Variants in APOB observed in about 807,000 individuals in gnomAD.
APOB encodes the protein apolipoprotein B-100.
A neutral mutation model predicts 314.1 loss-of-function variants in APOB; 153 were observed. The observed-to-expected ratio is 0.49, with a 90% CI of 0.43 to 0.56. The LOEUF is 0.56. Among genes scored for constraint, APOB ranks in the 20% least tolerant of loss-of-function variants. APOB has a pLI of 0.00. For missense variants in APOB, 5,430 were observed against 5,350.7 expected (o/e 1.01, Z -0.46); for synonymous variants, 2,087 against 2,036.4 (o/e 1.02, Z -0.67).
Position 21,008,776 on chromosome 2 carries a change from C to T in APOB, c.8092G>A (p.Val2698Met). ...ATTCTCGCTAGAGGAATGTCCTCCA[C>T]CTTCAGATCCCTGAGATATATATCT... ...VPDIYLRDLK[V>M]EDIPLARITL... The change falls in exon 26 of 29, where the codon GTG becomes ATG. Residue 2698 changes from valine to methionine, a missense_variant. Transcript: ENST00000233242. The T allele has an allele frequency of 6.2e-7, 1 of 1,614,038 alleles. No homozygotes were observed. The highest frequency in any genetic ancestry group is 8.5e-7 in the Non-Finnish European group (1 of 1,179,946).
intron 18 of APOB, 59 bp from the exon 19 acceptor site, chr2:21,019,964 C>T: frequency 6.4e-7 from 1 of 1,560,380 alleles, no homozygotes; most frequent in Non-Finnish European, 8.8e-7. Context: ...ATGGACATCA[C>T]AAATTCTCAG....
rs72654416 is a variant in APOB, at chr2:21,004,645, G to A, written c.11819C>T (p.Thr3940Met). 2.8e-4 allele frequency: 459 copies of A among 1,613,784 alleles called. 2 individuals are homozygous for A. The African/African-American group carries it at 5.4e-3, about 19-fold the overall frequency. The change falls in exon 27 of 29, where the codon ACG (threonine) becomes ATG (methionine). Residue 3940 changes from threonine (T) to methionine (M), a missense_variant. Transcript: ENST00000233242. ...VLGTHKIEDGTLASKTKGTFA... is the reference protein window; with the variant it reads ...VLGTHKIEDGMLASKTKGTFA... ...TGTTCCTTTAGTCTTAGAGGCTAACGTACCATCTTCGATTTTGTGTGTTCC... is the reference window on the plus strand; with the variant it reads ...TGTTCCTTTAGTCTTAGAGGCTAACATACCATCTTCGATTTTGTGTGTTCC...
In APOB at chr2:21,013,430, C is replaced by T. The variant is rs753373463; in HGVS notation, c.3946G>A (p.Val1316Ile). The T allele has an allele frequency of 6.2e-7, 1 of 1,614,226 alleles. No homozygotes were observed. The highest frequency in any genetic ancestry group is 8.5e-7 in the Non-Finnish European group (1 of 1,180,038). The change falls in exon 25 of 29, where the codon GTT becomes ATT. Residue 1316 changes from valine to isoleucine, a missense_variant. By Grantham distance (29) the Val-to-Ile change is conservative (BLOSUM62 3). Around this residue, in one of 3 missense-constraint regions of APOB, gnomAD observed 2,085 missense variants for 2,079.7 expected, o/e 1.00. Coordinates refer to ENST00000233242, the MANE Select transcript of APOB (RefSeq NM_000384.3). ...TTGAAGTGGAGGGCTGGTGTCCTAA[C>T]AGTCTCTAACATCTTTAGATCTCTG... ...SSRDLKMLETVRTPALHFKSV... is the reference protein window; with the variant it reads ...SSRDLKMLETIRTPALHFKSV...
chr2:21,003,115 T>G lies in APOB; in HGVS notation c.12307A>C (p.Lys4103Gln). The G allele has an allele frequency of 1.2e-6, 2 of 1,604,142 alleles. No individual in the cohort carries two copies. Among genetic ancestry groups the G allele is most frequent in the African/African-American group, 1.3e-5 (1 of 74,590 alleles). Residue 4103 changes from lysine (K) to glutamine (Q), a missense_variant, in exon 29 of 29, where the codon AAG becomes CAG. Physicochemically the swap from Lys to Gln is moderately conservative, Grantham distance 53. Transcript: ENST00000233242. Reference protein sequence around the residue: ...TGLTLREVSSKLRRNLQNNAE... With the variant: ...TGLTLREVSSQLRRNLQNNAE... ...TTGTTCTGCAGATTTCTTCTCAGCT[T>G]TGAAGACACTTCTCTCAGGGTGAGC...
intron 18 of APOB, 81 bp downstream of exon 18, chr2:21,022,748 CTG>C: frequency 7.7e-7 from 1 of 1,306,200 alleles, no homozygotes; most frequent in Non-Finnish European, 1.1e-6. Context: ...TCTCAATCAA[CTG>C]TTTAGCCTGG....
Position 21,008,642 on chromosome 2 carries a change from C to G in APOB, c.8226G>C (p.Gln2742His), listed in dbSNP as rs376773500. 6.2e-7 allele frequency: 1 copy of G among 1,614,020 alleles called. No homozygotes were observed. Among genetic ancestry groups the G allele is most frequent in the East Asian group, 2.2e-5 (1 of 44,880 alleles). ...QVPDLHIPEFQLPHISHTIEV... is the reference protein window; with the variant it reads ...QVPDLHIPEFHLPHISHTIEV... ...CAATTGTGTGTGAGATGTGGGGAAG[C>G]TGGAATTCTGGTATGTGAAGGTCAG... Residue 2742 changes from glutamine to histidine, a missense_variant, in exon 26 of 29, where the codon CAG becomes CAC. By Grantham distance (24) the Gln-to-His change is conservative (BLOSUM62 0). Coordinates refer to ENST00000233242, the MANE Select transcript of APOB (RefSeq NM_000384.3).
intron 14 of APOB, 88 bp from the exon 15 acceptor site, chr2:21,027,052 C>A: frequency 8.1e-7 from 1 of 1,230,812 alleles, no homozygotes; most frequent in South Asian, 1.2e-5. Flanking sequence ...GTCCATTTAT[C>A]TAAACAAGTA....
At position 21,015,113 on chromosome 2, in the gene APOB, G is replaced by A. The variant is rs768005049; in HGVS notation, c.3656C>T (p.Thr1219Ile). 1.9e-5 allele frequency: 30 copies of A among 1,614,064 alleles called. No individual in the cohort carries two copies. The highest frequency in any genetic ancestry group is 2.2e-5 in the Non-Finnish European group (26 of 1,180,050). The change falls in exon 23 of 29, where the codon ACA becomes ATA. Residue 1219 changes from threonine to isoleucine, a missense_variant. Thr to Ile is a moderately conservative substitution (Grantham distance 89). Transcript: ENST00000233242. ...NRLLDHRVPQ[T>I]DMTFRHVGSK... is the part of the protein sequence containing the mutation. ...ACCCACGTGCCGGAAAGTCATGTCT[G>A]TTTGAGGGACTCTGTGATCCAGGAG...
chr2:21,028,951 A>G (rs1056694456), intron 12 of APOB, among the ~76,000 whole-genome samples: 1 of 152,228 alleles, frequency 6.6e-6, no homozygotes, highest in Admixed American at 6.5e-5. Context: ...GAGGGGGCCA[A>G]GTTGGCTATC....
In APOB at chr2:21,010,956, A is replaced by G; in HGVS notation, c.5912T>C (p.Leu1971Pro). 6.2e-7 allele frequency: 1 copy of G among 1,614,156 alleles called. No homozygotes were observed. The highest frequency in any genetic ancestry group is 1.1e-5 in the South Asian group (1 of 91,078). Reference protein sequence around the residue: ...SAALEHKVSALLTPAEQTGTW... With the variant: ...SAALEHKVSAPLTPAEQTGTW... The stretch of plus-strand genomic sequence containing the variant: ...GCCTGTCTGCTCAGCTGGAGTAAGC[A>G]GGGCACTGACTTTGTGTTCAAGAGC... The change falls in exon 26 of 29, where the codon CTG becomes CCG. Residue 1971 changes from leucine (L) to proline (P), a missense_variant. Around this residue, in one of 3 missense-constraint regions of APOB, gnomAD observed 3,281 missense variants for 3,171.0 expected, o/e 1.03. Coordinates refer to ENST00000233242, the MANE Select transcript of APOB (RefSeq NM_000384.3).
Position 21,006,333 on chromosome 2 carries a change from G to A in APOB, c.10535C>T (p.Thr3512Ile), listed in dbSNP as rs145861016. 52 of 1,613,932 alleles carry A rather than the reference G, an allele frequency of 3.2e-5. No individual in the cohort carries two copies. The highest frequency in any genetic ancestry group is 4.1e-5 in the Non-Finnish European group (48 of 1,179,980). ...GSVLSREYSG[T>I]IASEANTYLN... ...GTAAGTGTTGGCCTCACTAGCAATA[G>A]TTCCTGAATATTCCCGAGAAAGAAC... The change falls in exon 26 of 29, where the codon ACT becomes ATT. Residue 3512 changes from threonine to isoleucine, a missense_variant. Thr to Ile is a moderately conservative substitution (Grantham distance 89). This residue lies in a region of APOB where 3,281 missense variants were observed against 3,171.0 expected (regional missense o/e 1.03). Transcript: ENST00000233242.
chr2:21,009,766 A>G lies in APOB; in HGVS notation c.7102T>C (p.Tyr2368His), dbSNP rs763474650. 3 of 1,614,002 alleles carry G rather than the reference A, an allele frequency of 1.9e-6. No individual in the cohort carries two copies. Among genetic ancestry groups the G allele is most frequent in the Middle Eastern group, 1.7e-4 (1 of 6,060 alleles). The change falls in exon 26 of 29, where the codon TAC (tyrosine) becomes CAC (histidine). Residue 2368 changes from tyrosine (Y) to histidine (H), a missense_variant. Coordinates refer to ENST00000233242, the MANE Select transcript of APOB (RefSeq NM_000384.3). ...TTCTGAATAGTCTCCTTCAACTTGTATTGGTGGGCCAACTCTACTAATTTA... is the reference window on the plus strand; with the variant it reads ...TTCTGAATAGTCTCCTTCAACTTGTGTTGGTGGGCCAACTCTACTAATTTA... ...MDKLVELAHQYKLKETIQKLS... is the reference protein window; with the variant it reads ...MDKLVELAHQHKLKETIQKLS...
rs1197644796 is a variant in APOB at position 21,005,373 on chromosome 2, G to A, written c.11495C>T (p.Ser3832Leu). ...TAGATCCAAAGCAGCAATGCCATCT[G>A]AAACACTTTTTGGAAGCGTGAACTG... ...VSQFTLPKSV[S>L]DGIAALDLNA... The change falls in exon 26 of 29, where the codon TCA becomes TTA. Residue 3832 changes from serine to leucine, a missense_variant. This residue lies in a region of APOB where 3,281 missense variants were observed against 3,171.0 expected (regional missense o/e 1.03). Coordinates refer to ENST00000233242, the MANE Select transcript of APOB (RefSeq NM_000384.3). The A allele has an allele frequency of 6.2e-7, 1 of 1,614,090 alleles. No homozygotes were observed. Among genetic ancestry groups the A allele is most frequent in the East Asian group, 2.2e-5 (1 of 44,886 alleles).
chr2:21,032,171 A>G (rs1398258576), intron 10 of APOB, among the ~76,000 whole-genome samples, 183 bp downstream of exon 10: 1 of 152,222 alleles, frequency 6.6e-6, no homozygotes, highest in African/African-American at 2.4e-5. Context: ...ATTTTTAAAA[A>G]TTCAATTTGT....
chr2:21,028,025 G>A lies in APOB; in HGVS notation c.1870C>T (p.Leu624Phe), dbSNP rs1572795958. The change falls in exon 14 of 29, where the codon CTT becomes TTT. Residue 624 changes from leucine (L) to phenylalanine (F), a missense_variant. This residue lies in a region of APOB where 2,085 missense variants were observed against 2,079.7 expected (regional missense o/e 1.00). Transcript: ENST00000233242. ...LVKEALKESQ[L>F]PTVMDFRKFS... Reference sequence around the variant, plus strand: ...TTTCTGAAGTCCATGACAGTTGGAAGTTGAGATTCTTTCAGAGCTTCTTTC... The same window carrying A: ...TTTCTGAAGTCCATGACAGTTGGAAATTGAGATTCTTTCAGAGCTTCTTTC... The A allele has an allele frequency of 3.1e-6, 5 of 1,613,860 alleles. No individual in the cohort carries two copies. Among genetic ancestry groups the A allele is most frequent in the Non-Finnish European group, 4.2e-6 (5 of 1,179,718 alleles).
Position 21,028,545 on chromosome 2 carries a change from T to C in APOB, c.1618-7A>G. 6.2e-7 allele frequency: 1 copy of C among 1,600,784 alleles called. No individual in the cohort carries two copies. The highest frequency in any genetic ancestry group is 8.5e-7 in the Non-Finnish European group (1 of 1,171,430). The stretch of plus-strand genomic sequence containing the variant: ...GAAGAAGAACCTCCTGGTCCTGCAG[T>C]CAAAAGAGGAGATGGTTATCACTGT... On this transcript the variant is annotated splice_region_variant and splice_polypyrimidine_tract_variant and intron_variant, in intron 12 of 28. Coordinates refer to ENST00000233242, the MANE Select transcript of APOB (RefSeq NM_000384.3).
Position 21,015,533 on chromosome 2 carries a change from C to T in APOB, c.3345G>A (p.Lys1115=). 1 of 1,612,972 alleles carries T rather than the reference C, an allele frequency of 6.2e-7. No homozygotes were observed. The highest frequency in any genetic ancestry group is 8.5e-7 in the Non-Finnish European group (1 of 1,179,994). The part of the protein sequence containing the change: ...ALMGHLSCDT[K]EERKIKGVIS... ...TAACACCCTTGATTTTTCTTTCTTC[C>T]TTTGTGTCACAACTATGGTAAAGAA... Residue 1115 remains lysine (K), a synonymous_variant, in exon 22 of 29, where the codon AAG becomes AAA. Transcript: ENST00000233242.
chr2:21,007,705 T>A lies in APOB; in HGVS notation c.9163A>T (p.Asn3055Tyr). Residue 3055 changes from asparagine (N) to tyrosine (Y), a missense_variant, in exon 26 of 29, where the codon AAT becomes TAT. Transcript: ENST00000233242. Reference sequence around the variant, plus strand: ...CTTAATGGAAAACGAACTTTCAAATTCCCTTCATTGTTTGTGGATGCCGTG... The same window carrying A: ...CTTAATGGAAAACGAACTTTCAAATACCCTTCATTGTTTGTGGATGCCGTG... The part of the protein sequence containing the change: ...EITASTNNEG[N>Y]LKVRFPLRLT... The A allele has an allele frequency of 6.2e-7, 1 of 1,614,082 alleles. No individual in the cohort carries two copies. Among genetic ancestry groups the A allele is most frequent in the Non-Finnish European group, 8.5e-7 (1 of 1,179,958 alleles).
Position 21,006,004 on chromosome 2 carries a change from G to A in APOB, c.10864C>T (p.Leu3622=), listed in dbSNP as rs769396175. 4.3e-6 allele frequency: 7 copies of A among 1,613,852 alleles called. No individual in the cohort carries two copies. Among genetic ancestry groups the A allele is most frequent in the Middle Eastern group, 1.6e-4 (1 of 6,082 alleles). The part of the protein sequence containing the change: ...DFPDLGQEVA[L]NANTKNQKIR... ...TTCTGGTTCTTAGTGTTAGCATTCA[G>A]GGCCACTTCCTGGCCAAGGTCAGGG... The change falls in exon 26 of 29, where the codon CTG becomes TTG. Residue 3622 remains leucine (L), a synonymous_variant. Transcript: ENST00000233242.
Sources: gnomAD v4.1 joint callset for allele counts (sites outside exome capture counted in the v4.1 genomes callset) on GRCh38, gnomAD v4.1.1 for gene constraint, gnomAD v4.1.1 regional missense constraint, MANE v1.5 for transcripts, NCBI Gene and HGNC (gene_info 2026-07-23, HGNC 2026-07-21) for gene names.